Variants in PALM2AKAP2 observed in about 807,000 individuals in gnomAD.
The protein encoded by PALM2AKAP2 is PALM2-AKAP2 fusion protein.
In PALM2AKAP2, 37 loss-of-function variants were observed where a neutral mutation model predicts 71.5. The observed-to-expected ratio is 0.52, with a 90% CI of 0.40 to 0.68. PALM2AKAP2 has a LOEUF of 0.68. Among genes scored for constraint, PALM2AKAP2 ranks in the 30% least tolerant of loss-of-function variants. PALM2AKAP2 has a pLI of 0.00. For synonymous variants in PALM2AKAP2, 468 were observed against 478.8 expected (o/e 0.98, Z 0.29); for missense variants, 1,224 against 1,191.8 (o/e 1.03, Z -0.40).
chr9:109,987,868 A>G (rs7025874), intron 6 of PALM2AKAP2, among the ~76,000 whole-genome samples: 25,848 of 152,218 alleles, frequency 0.17, 2,556 homozygotes, highest in East Asian at 0.42. Context: ...TGGAAGAAGA[A>G]AAGGAAGTTT....
At chr9:110,138,289 C>T in exon 2 of PALM2AKAP2, 1 of 1,614,222 alleles carries the variant, frequency 6.2e-7, no homozygotes, top group South Asian at 1.1e-5. Flanking sequence ...TCAGCAAGTA[C>T]TCGGAGGCAG....
chr9:109,840,509 T>A (rs887130209), intron 1 of PALM2AKAP2, among the ~76,000 whole-genome samples: 2 of 152,030 alleles, frequency 1.3e-5, no homozygotes, highest in Admixed American at 6.5e-5. Flanking sequence ...AAGCCAAAAT[T>A]GACAAATGGG....
chr9:110,058,898 G>GTTTTTTTTTTT (rs202140304), intron 1 of PALM2AKAP2, among the ~76,000 whole-genome samples: 12 of 111,732 alleles, frequency 1.1e-4, no homozygotes, highest in African/African-American at 1.4e-4. Flanking sequence ...AAGTTTTTTG[G>GTTTTTTTTTTT]TTTTTTTTTT....
In PALM2AKAP2 at chr9:110,051,716, C is replaced by T. The variant is rs142243358; in HGVS notation, c.156+2861C>T. 2.9e-3 allele frequency among the ~76,000 whole-genome samples: 448 copies of T among 152,260 alleles called. 2 individuals carry two copies. The highest frequency in any genetic ancestry group is 3.6e-3 in the Non-Finnish European group (243 of 68,022). On this transcript the variant is annotated intron_variant, in intron 1 of 3. Coordinates refer to ENST00000374525, the Ensembl canonical transcript of PALM2AKAP2. ...GTCTTTAGCTTTATACATGACTCAA[C>T]GCCAGTAGAATTGATGCTGTATCTT... is the stretch of plus-strand genomic sequence containing the variant.
At chr9:110,117,691 C>G (rs1835392597) in intron 1 of PALM2AKAP2, among the ~76,000 whole-genome samples, 1 of 152,130 alleles carries the variant, frequency 6.6e-6, no homozygotes. Context: ...GAGAGCCAGT[C>G]TTACTTTGAT....
intron 7 of PALM2AKAP2, among the ~76,000 whole-genome samples, chr9:110,035,684 CATATAT>C (rs1174205233): frequency 9.1e-5 from 9 of 98,442 alleles, no homozygotes; most frequent in African/African-American, 4.1e-4. Context: ...TTATATATAA[CATATAT>C]AGGATATGTT....
intron 6 of PALM2AKAP2, chr9:109,943,645 A>G: frequency 1.7e-6 from 1 of 578,600 alleles, no homozygotes; most frequent in Non-Finnish European, 3.0e-6. Flanking sequence ...CTTTTCCTCT[A>G]AACCTTTCCT....
chr9:109,670,085 T>A (rs1827551861), intron 1 of PALM2AKAP2, among the ~76,000 whole-genome samples: 2 of 152,268 alleles, frequency 1.3e-5, no homozygotes, highest in East Asian at 3.9e-4. Flanking sequence ...TTTGTTTTAT[T>A]TTAGCTGTCA....
chr9:109,729,187 T>C (rs578018160), intron 1 of PALM2AKAP2, among the ~76,000 whole-genome samples: 1 of 152,292 alleles, frequency 6.6e-6, no homozygotes, highest in Admixed American at 6.5e-5. Flanking sequence ...AGAGAGTGAC[T>C]CCTCATAAAG....
At chr9:109,842,253 C>T (rs1030971690) in intron 1 of PALM2AKAP2, among the ~76,000 whole-genome samples, 1 of 152,110 alleles carries the variant, frequency 6.6e-6, no homozygotes, top group Non-Finnish European at 1.5e-5. Flanking sequence ...AAAGTCTTAG[C>T]ATTTTTATTT....
intron 3 of PALM2AKAP2, among the ~76,000 whole-genome samples, chr9:109,903,769 C>G (rs1435897331): frequency 6.6e-6 from 1 of 151,912 alleles, no homozygotes; most frequent in Non-Finnish European, 1.5e-5. Flanking sequence ...TCCCACATAG[C>G]GAACTTGCAT....
intron 1 of PALM2AKAP2, among the ~76,000 whole-genome samples, chr9:109,716,440 A>T (rs910237534): frequency 2.0e-5 from 3 of 152,220 alleles, no homozygotes; most frequent in African/African-American, 7.2e-5. Flanking sequence ...ATTCCCAGTT[A>T]CAAGTGAATT....
At chr9:110,096,928 TTTTATTTATTTATTTATTTATTTA>T (rs149932603) in intron 1 of PALM2AKAP2, among the ~76,000 whole-genome samples, 1 of 148,318 alleles carries the variant, frequency 6.7e-6, no homozygotes, top group African/African-American at 2.5e-5. Context: ...AGAATTTTCT[TTTTATTTATTTATTTATTTATTTA>T]TTTATTTATT....
At chr9:109,831,556 C>A (rs1274009812) in intron 1 of PALM2AKAP2, among the ~76,000 whole-genome samples, 1 of 152,194 alleles carries the variant, frequency 6.6e-6, no homozygotes, top group African/African-American at 2.4e-5. Context: ...GTTACTGAAT[C>A]TTCTGGGAGT....
At chr9:110,128,817 AG>A (rs1835673447) in intron 1 of PALM2AKAP2, among the ~76,000 whole-genome samples, 1 of 152,252 alleles carries the variant, frequency 6.6e-6, no homozygotes. Flanking sequence ...AGACCTGCTA[AG>A]GAAAATGCAC....
intron 1 of PALM2AKAP2, among the ~76,000 whole-genome samples, chr9:109,774,942 T>C (rs1231226702): frequency 1.3e-5 from 2 of 152,236 alleles, no homozygotes; most frequent in Non-Finnish European, 2.9e-5. Flanking sequence ...AAAACTTTTG[T>C]CATTAACAGG....
Position 110,127,394 on chromosome 9 carries a change from G to C in PALM2AKAP2, c.157-8733G>C, listed in dbSNP as rs533173992. 2.6e-5 allele frequency among the ~76,000 whole-genome samples: 4 copies of C among 152,248 alleles called. No individual in the cohort carries two copies. In the South Asian group the frequency reaches 8.3e-4, roughly 32 times the overall value. ...TGTCTTCCATCAGCCAGGAGGGGAGGCTCTAGCCTCTTTAGGGAGTGGCTT... is the reference window on the plus strand; with the variant it reads ...TGTCTTCCATCAGCCAGGAGGGGAGCCTCTAGCCTCTTTAGGGAGTGGCTT... On this transcript the variant is annotated intron_variant, in intron 1 of 3. Coordinates refer to ENST00000374525, the Ensembl canonical transcript of PALM2AKAP2.
chr9:109,784,377 CATTAG>C, intron 1 of PALM2AKAP2, among the ~76,000 whole-genome samples: 1 of 152,276 alleles, frequency 6.6e-6, no homozygotes, highest in East Asian at 1.9e-4. Context: ...AAAAAGAAGA[CATTAG>C]AGTAAGTCCT....
chr9:109,863,549 G>C (rs1829368750), intron 1 of PALM2AKAP2, among the ~76,000 whole-genome samples: 1 of 152,176 alleles, frequency 6.6e-6, no homozygotes, highest in Admixed American at 6.5e-5. Flanking sequence ...TTGTAGAGTG[G>C]ATGAGAATGA....
Sources: gnomAD v4.1 joint callset for allele counts (sites outside exome capture counted in the v4.1 genomes callset) on GRCh38, gnomAD v4.1.1 for gene constraint, MANE v1.5 for transcripts, NCBI Gene and HGNC (gene_info 2026-07-23, HGNC 2026-07-21) for gene names.